Variants in FERMT2 observed in about 807,000 individuals in gnomAD.
FERMT2 encodes the protein fermitin family homolog 2.
FERMT2 carries 15 observed loss-of-function variants against 82.7 expected under a neutral mutation model. The observed-to-expected ratio is 0.18, with a 90% CI of 0.12 to 0.28. The LOEUF (loss-of-function observed/expected upper bound fraction) is 0.28. Ranked by LOEUF, FERMT2 falls within the 10% of genes least tolerant of loss-of-function variation. FERMT2 has a pLI of 1.00. For missense variants in FERMT2, 645 were observed against 809.4 expected (o/e 0.80, Z 2.46); for synonymous variants, 274 against 271.5 (o/e 1.01, Z -0.09).
chr14:52,899,559 G>A (rs1478462883), intron 3 of FERMT2, among the ~76,000 whole-genome samples: 1 of 152,194 alleles, frequency 6.6e-6, no homozygotes, highest in Non-Finnish European at 1.5e-5. Flanking sequence ...TGGGATTACA[G>A]GTGTGAGCCA....
At chr14:52,889,418 G>A (rs1397267209) in intron 4 of FERMT2, among the ~76,000 whole-genome samples, 1 of 152,128 alleles carries the variant, frequency 6.6e-6, no homozygotes, top group Non-Finnish European at 1.5e-5. Flanking sequence ...CAGTCTGGGT[G>A]AAAAGGGAAC....
intron 2 of FERMT2, among the ~76,000 whole-genome samples, chr14:52,949,680 A>C (rs1383736519): frequency 1.3e-5 from 2 of 152,252 alleles, no homozygotes; most frequent in African/African-American, 4.8e-5. Flanking sequence ...TTATTATTTT[A>C]AATCGGATAT....
intron 2 of FERMT2, among the ~76,000 whole-genome samples, chr14:52,936,082 T>C: frequency 6.6e-6 from 1 of 152,098 alleles, no homozygotes; most frequent in Non-Finnish European, 1.5e-5. Context: ...GGGCTCGGAG[T>C]CCATGCAATG....
At chr14:52,914,881 C>T (rs1888532964) in intron 3 of FERMT2, among the ~76,000 whole-genome samples, 1 of 152,060 alleles carries the variant, frequency 6.6e-6, no homozygotes, top group Non-Finnish European at 1.5e-5. Flanking sequence ...GATACCACCA[C>T]TGAACTCCAG....
intron 3 of FERMT2, among the ~76,000 whole-genome samples, chr14:52,915,328 C>T (rs1169221152): frequency 2.6e-5 from 4 of 152,126 alleles, no homozygotes; most frequent in African/African-American, 9.7e-5. Flanking sequence ...CCACGCAATT[C>T]TGAAAAACAG....
intron 3 of FERMT2, 43 bp downstream of exon 3, chr14:52,919,080 A>C (rs760934063): frequency 1.5e-6 from 2 of 1,374,052 alleles, no homozygotes; most frequent in African/African-American, 1.4e-5. Flanking sequence ...TCATCTGTAC[A>C]TCACATAACT....
At chr14:52,922,294 CT>C in intron 2 of FERMT2, among the ~76,000 whole-genome samples, 1 of 152,288 alleles carries the variant, frequency 6.6e-6, no homozygotes, top group Admixed American at 6.5e-5. Context: ...ACTCTTAACA[CT>C]TCTTGGCTGC....
At chr14:52,928,933 G>A (rs1056859883) in intron 2 of FERMT2, among the ~76,000 whole-genome samples, 2 of 151,978 alleles carry the variant, frequency 1.3e-5, no homozygotes, top group Admixed American at 6.6e-5. Flanking sequence ...TCTAGGAACC[G>A]TGTGCTTCTT....
intron 3 of FERMT2, among the ~76,000 whole-genome samples, chr14:52,900,223 T>C (rs1220018654): frequency 6.6e-6 from 1 of 151,566 alleles, no homozygotes; most frequent in Non-Finnish European, 1.5e-5. Context: ...GCAATCCTCC[T>C]GCCTCAGCCT....
At chr14:52,862,659 G>A (rs563294767) in intron 12 of FERMT2, 1 of 152,166 alleles carries the variant, frequency 6.6e-6, no homozygotes, top group African/African-American at 2.4e-5. Context: ...GGGAGACAGA[G>A]AGACTCTGCC....
intron 3 of FERMT2, among the ~76,000 whole-genome samples, chr14:52,906,799 A>C (rs968825807): frequency 1.3e-5 from 2 of 152,158 alleles, no homozygotes; most frequent in African/African-American, 4.8e-5. Flanking sequence ...ATCTTAAAAA[A>C]ACTATTTCAG....
At chr14:52,904,521 A>C (rs1482993340) in intron 3 of FERMT2, among the ~76,000 whole-genome samples, 2 of 151,336 alleles carry the variant, frequency 1.3e-5, no homozygotes, top group Non-Finnish European at 2.9e-5. Flanking sequence ...TGTCTCAGAA[A>C]AAACAAACAA....
At chr14:52,885,928 A>C (rs1886575170) in intron 4 of FERMT2, among the ~76,000 whole-genome samples, 1 of 151,912 alleles carries the variant, frequency 6.6e-6, no homozygotes, top group African/African-American at 2.4e-5. Flanking sequence ...CAGATATAAG[A>C]CCACATAAAA....
intron 2 of FERMT2, among the ~76,000 whole-genome samples, chr14:52,924,637 C>A (rs1413692817): frequency 1.3e-5 from 2 of 152,068 alleles, no homozygotes; most frequent in Non-Finnish European, 2.9e-5. Context: ...GAAATGACAA[C>A]CATTTCAGTT....
At chr14:52,890,065 A>C (rs767005912) in intron 4 of FERMT2, among the ~76,000 whole-genome samples, 2 of 147,958 alleles carry the variant, frequency 1.4e-5, no homozygotes, top group Non-Finnish European at 3.0e-5. Flanking sequence ...GGCTGCAGAG[A>C]GCCAAGATTG....
At chr14:52,884,112 T>C (rs1338635355) in intron 4 of FERMT2, among the ~76,000 whole-genome samples, 3 of 152,256 alleles carry the variant, frequency 2.0e-5, no homozygotes, top group Non-Finnish European at 4.4e-5. Flanking sequence ...TTCAACTTCC[T>C]ATAGTTTGTA....
rs981740283 is a variant in FERMT2, at chr14:52,917,432, T to C, written c.391+1691A>G. Among the ~76,000 whole-genome samples, 4 of 152,188 alleles carry C rather than the reference T, an allele frequency of 2.6e-5. No homozygotes were observed. The East Asian group carries it at 5.8e-4, about 22-fold the overall frequency. ...TTTGACTTCAAGTCATATTTGTCAT[T>C]TGACAAAATGACAAAATATCAACAA... On this transcript the variant is annotated intron_variant, in intron 3 of 14. Transcript: ENST00000341590.
chr14:52,864,135 G>C (rs1456031076), intron 12 of FERMT2, among the ~76,000 whole-genome samples: 1 of 151,958 alleles, frequency 6.6e-6, no homozygotes, highest in Non-Finnish European at 1.5e-5. Context: ...TGGAATATCT[G>C]CATTATACTT....
chr14:52,950,290 C>T (rs894056135), intron 2 of FERMT2, 122 bp downstream of exon 2: 1 of 965,306 alleles, frequency 1.0e-6, no homozygotes, highest in Non-Finnish European at 1.6e-6. Flanking sequence ...TTTTACATCT[C>T]CAAAAAGCAT....
Sources: allele counts gnomAD v4.1 joint callset (sites outside exome capture counted in the v4.1 genomes callset), GRCh38; gene constraint gnomAD v4.1.1; transcripts MANE v1.5; gene names NCBI Gene and HGNC (gene_info 2026-07-23, HGNC 2026-07-21).